ABAT: variants seen among roughly 807,000 people sequenced by gnomAD.
ABAT encodes 4-aminobutyrate aminotransferase, mitochondrial.
In ABAT, 45 loss-of-function variants were observed where a neutral mutation model predicts 64.6. That is an observed-to-expected ratio of 0.70 (90% CI 0.55 to 0.89). ABAT has a LOEUF of 0.89. Among genes scored for constraint, ABAT ranks in the 40% least tolerant of loss-of-function variants. The pLI is 0.00. For synonymous variants in ABAT, 297 were observed against 250.5 expected (o/e 1.19, Z -1.75); for missense variants, 633 against 658.4 (o/e 0.96, Z 0.42).
intron 11 of ABAT, among the ~76,000 whole-genome samples, chr16:8,771,194 C>T (rs1331484244): frequency 2.0e-5 from 3 of 151,856 alleles, no homozygotes; most frequent in Non-Finnish European, 4.4e-5. Context: ...ACTCCAGAGG[C>T]CGAAGCAGGA....
Position 8,776,378 on chromosome 16 carries a change from C to A in ABAT, c.1157C>A (p.Pro386Gln), listed in dbSNP as rs775339966. ...ATCTTCAACACCTGGCTGGGGGACC[C>A]GTCCAAGAACCTGTTGCTGGCTGAG... Reference protein sequence around the residue: ...YRIFNTWLGDPSKNLLLAEVI... With the variant: ...YRIFNTWLGDQSKNLLLAEVI... The change falls in exon 14 of 16, where the codon CCG becomes CAG. Residue 386 changes from proline to glutamine, a missense_variant. Physicochemically the swap from Pro to Gln is moderately conservative, Grantham distance 76. Transcript: ENST00000268251. The surrounding 1 kb of genome is among the most constrained non-coding windows in gnomAD (Gnocchi z 4.4). 1.2e-6 allele frequency: 2 copies of A among 1,614,190 alleles called. No homozygotes were observed. The highest frequency in any genetic ancestry group is 1.1e-5 in the South Asian group (1 of 91,090).
At chr16:8,690,825 C>T (rs1469324802) in intron 1 of ABAT, among the ~76,000 whole-genome samples, 1 of 152,178 alleles carries the variant, frequency 6.6e-6, no homozygotes, top group Non-Finnish European at 1.5e-5. Context: ...GGGTCTGCCC[C>T]TTGTTCCAGG....
intron 2 of ABAT, among the ~76,000 whole-genome samples, chr16:8,738,830 A>T (rs34761392): frequency 0.12 from 18,148 of 151,702 alleles, 1,159 homozygotes; most frequent in South Asian, 0.18. Context: ...TTTTTTGTAG[A>T]GACAGGGTTT....
intron 2 of ABAT, among the ~76,000 whole-genome samples, chr16:8,743,689 A>AATATGTTATATATTTTAGTG (rs2059247935): frequency 6.9e-6 from 1 of 144,920 alleles, no homozygotes; most frequent in African/African-American, 2.5e-5. Context: ...TTTTAGTTAT[A>AATATGTTATATATTTTAGTG]ATATATATTT....
At chr16:8,759,657 T>G (rs1310959433) in intron 6 of ABAT, among the ~76,000 whole-genome samples, 1 of 152,160 alleles carries the variant, frequency 6.6e-6, no homozygotes. Context: ...GGACTACAGG[T>G]GCCCACCACC....
intron 2 of ABAT, among the ~76,000 whole-genome samples, chr16:8,740,871 G>A (rs1161761434): frequency 6.6e-6 from 1 of 152,246 alleles, no homozygotes; most frequent in Non-Finnish European, 1.5e-5. Flanking sequence ...GGGGTGGACA[G>A]TTGCAGGAGC....
intron 2 of ABAT, 97 bp downstream of exon 2, chr16:8,735,906 C>A (rs2058913515): frequency 1.9e-6 from 2 of 1,063,400 alleles, no homozygotes; most frequent in Non-Finnish European, 2.8e-6. Flanking sequence ...GATAAAGGGA[C>A]CAGCCAGTGA....
intron 5 of ABAT, 33 bp from the exon 6 acceptor site, chr16:8,757,724 A>G (rs1348066599): frequency 8.1e-6 from 13 of 1,610,192 alleles, no homozygotes; most frequent in Non-Finnish European, 1.0e-5. Flanking sequence ...CTTGGATGCA[A>G]TGAGGTCTCT....
chr16:8,713,831 C>T (rs765084996), intron 1 of ABAT: 18 of 455,754 alleles, frequency 3.9e-5, no homozygotes, highest in Non-Finnish European at 6.6e-5. Flanking sequence ...AGCAAGCGAG[C>T]TGAGCTCGCC....
Position 8,733,084 on chromosome 16 carries a change from C to T in ABAT, c.-41-2615C>T, listed in dbSNP as rs1210799675. Among the ~76,000 whole-genome samples, 5 of 145,962 alleles carry T rather than the reference C, an allele frequency of 3.4e-5. 1 individual carries two copies. Among genetic ancestry groups the T allele is most frequent in the African/African-American group, 1.4e-4 (5 of 36,440 alleles). ...CTGGCCGGGCGGGGGGCTGACCCCC[C>T]CACCTCCCTCCCGGATGGGGCGGCT... On this transcript the variant is annotated intron_variant, in intron 1 of 15. Transcript: ENST00000268251.
chr16:8,681,039 T>C (rs942669216), intron 1 of ABAT, among the ~76,000 whole-genome samples: 14 of 151,844 alleles, frequency 9.2e-5, no homozygotes, highest in Admixed American at 3.9e-4. Flanking sequence ...TGGAGTGCAG[T>C]GGCATGATCA....
At chr16:8,743,642 A>G (rs1220408777) in intron 2 of ABAT, among the ~76,000 whole-genome samples, 1 of 47,764 alleles carries the variant, frequency 2.1e-5, no homozygotes, top group Non-Finnish European at 4.6e-5. Flanking sequence ...TTTAGTTATA[A>G]TATATAATAT....
intron 10 of ABAT, 57 bp downstream of exon 10, chr16:8,768,313 A>C (rs1358816452): frequency 6.4e-7 from 1 of 1,561,234 alleles, no homozygotes; most frequent in Non-Finnish European, 8.8e-7. Flanking sequence ...TAATAACGGC[A>C]ACAATAGCGG....
chr16:8,735,764 CG>C lies in ABAT; in HGVS notation c.26del (p.Arg9ProfsTer37). On this transcript the variant is annotated frameshift_variant, in exon 2 of 16. Transcript: ENST00000268251. LOFTEE classifies it high-confidence loss of function. MASMLLAQ[R>X]LACSFQHSYR... ...CATGGCCTCCATGTTGCTCGCCCAG[CG>C]CCTGGCCTGCAGCTTCCAGCACAGC... 1 of 1,607,370 alleles carries C rather than the reference CG, an allele frequency of 6.2e-7. No homozygotes were observed. Among genetic ancestry groups the C allele is most frequent in the East Asian group, 2.2e-5 (1 of 44,788 alleles).
intron 12 of ABAT, among the ~76,000 whole-genome samples, chr16:8,773,147 C>CACACAT (rs1239743158): frequency 1.3e-4 from 13 of 98,474 alleles, no homozygotes; most frequent in African/African-American, 5.2e-4. Flanking sequence ...CACACACACA[C>CACACAT]ATATATATAT....
intron 11 of ABAT, among the ~76,000 whole-genome samples, chr16:8,771,599 G>C (rs2060112556): frequency 6.6e-6 from 1 of 151,966 alleles, no homozygotes; most frequent in Non-Finnish European, 1.5e-5. Flanking sequence ...CACTGGAGTA[G>C]CTGGGAGTAC....
intron 4 of ABAT, 135 bp downstream of exon 4, chr16:8,748,272 TC>T: frequency 1.4e-6 from 1 of 729,200 alleles, no homozygotes; most frequent in Non-Finnish European, 2.2e-6. Context: ...TTTTCTCATT[TC>T]CTTTGTGATT....
chr16:8,758,400 G>A (rs780873627), intron 6 of ABAT, among the ~76,000 whole-genome samples: 1 of 152,182 alleles, frequency 6.6e-6, no homozygotes, highest in Non-Finnish European at 1.5e-5. Context: ...CACGAGTCGG[G>A]AGGAATGGTC....
At chr16:8,694,380 TTTTG>T (rs367876531) in intron 1 of ABAT, among the ~76,000 whole-genome samples, 1 of 151,122 alleles carries the variant, frequency 6.6e-6, no homozygotes, top group South Asian at 2.1e-4. Context: ...CTTGCACGTT[TTTTG>T]TTTGTTTGTT....
Sources: gnomAD v4.1 joint callset for allele counts (sites outside exome capture counted in the v4.1 genomes callset) on GRCh38, gnomAD v4.1.1 for gene constraint, Gnocchi (gnomAD v3.1) non-coding constraint, MANE v1.5 for transcripts, NCBI Gene and HGNC (gene_info 2026-07-23, HGNC 2026-07-21) for gene names.